PIGL: variants seen among roughly 807,000 people sequenced by gnomAD.
The protein encoded by PIGL is N-acetylglucosaminyl-phosphatidylinositol de-N-acetylase.
PIGL carries 22 observed loss-of-function variants against 31.1 expected under a neutral mutation model. That is an observed-to-expected ratio of 0.71 (90% confidence interval 0.51 to 1.01). The LOEUF is 1.01. PIGL is among the 50% of genes least tolerant of loss of function. PIGL has a pLI of 0.00. For missense variants in PIGL, 302 were observed against 315.9 expected, an observed-to-expected ratio of 0.96 and a Z score of 0.33; for synonymous variants, 131 against 117.4, an observed-to-expected ratio of 1.12 and a Z score of -0.75.
In PIGL at chr17:16,302,156, C is replaced by T. The variant is rs569306614; in HGVS notation, c.426+2178C>T. 3.9e-5 allele frequency among the ~76,000 whole-genome samples: 6 copies of T among 152,258 alleles called. No individual in the cohort carries two copies. In the South Asian group the frequency reaches 1.2e-3, roughly 32 times the overall value. On this transcript the variant is annotated intron_variant, in intron 3 of 6. Coordinates refer to ENST00000225609, the MANE Select transcript of PIGL (RefSeq NM_004278.4). ...TGAGCTGCAGATGGGCCTCAGGTAC[C>T]CTGACCCTACCACGACTCATCTCCA...
At chr17:16,229,646 G>T (rs1382524934) in intron 1 of PIGL, among the ~76,000 whole-genome samples, 1 of 151,916 alleles carries the variant, frequency 6.6e-6, no homozygotes, top group Admixed American at 6.6e-5. Flanking sequence ...GTCAGCATTT[G>T]TAATTTTCCA....
rs75860125 is a variant in PIGL at position 16,226,560 on chromosome 17, A to G, written c.236-7411A>G. On this transcript the variant is annotated intron_variant, in intron 1 of 6. Transcript: ENST00000225609. ...CTAAAGGGGAATGTAGACATTCTAC[A>G]AGTGCATATGGGACTAGAAATATTG... Among the ~76,000 whole-genome samples the G allele has an allele frequency of 7.5e-3, 1,150 of 152,338 alleles. 18 individuals carry two copies. The highest frequency in any genetic ancestry group is 0.05 in the East Asian group (258 of 5,188).
Position 16,310,286 on chromosome 17 carries a change from A to AGTGTGT in PIGL, c.427-3228_427-3223dup, listed in dbSNP as rs10522327. On this transcript the variant is annotated intron_variant, in intron 3 of 6. Coordinates refer to ENST00000225609, the MANE Select transcript of PIGL (RefSeq NM_004278.4). ...TAAAATGTCTTCTGAATTATTAAAA[A>AGTGTGT]GTGTGTGTGTGTGTGTGTGTGTGTG... 9.6e-3 allele frequency among the ~76,000 whole-genome samples: 1,398 copies of AGTGTGT among 146,346 alleles called. 16 individuals are homozygous for AGTGTGT. Among genetic ancestry groups the AGTGTGT allele is most frequent in the East Asian group, 0.025 (123 of 4,838 alleles).
At chr17:16,233,232 C>T (rs941334967) in intron 1 of PIGL, among the ~76,000 whole-genome samples, 1 of 152,102 alleles carries the variant, frequency 6.6e-6, no homozygotes, top group Non-Finnish European at 1.5e-5. Flanking sequence ...GTAACAGGTG[C>T]ATTAGCTGGA....
chr17:16,276,900 A>G (rs914590915), intron 2 of PIGL, among the ~76,000 whole-genome samples: 2 of 152,238 alleles, frequency 1.3e-5, no homozygotes, highest in Non-Finnish European at 2.9e-5. Context: ...AAAGTGCAGC[A>G]ACAATAATTA....
intron 2 of PIGL, among the ~76,000 whole-genome samples, chr17:16,257,476 C>T (rs991078048): frequency 6.6e-6 from 1 of 152,080 alleles, no homozygotes; most frequent in East Asian, 1.9e-4. Flanking sequence ...TGGTGAGCCT[C>T]TGAAGATGCC....
At chr17:16,258,103 A>AC in intron 2 of PIGL, among the ~76,000 whole-genome samples, 1 of 65,722 alleles carries the variant, frequency 1.5e-5, no homozygotes, top group South Asian at 5.2e-4. Context: ...GAGAGAGAGA[A>AC]AGAGAGAGAG....
intron 3 of PIGL, among the ~76,000 whole-genome samples, chr17:16,311,286 ATT>A (rs1314327641): frequency 1.2e-4 from 14 of 119,774 alleles, no homozygotes; most frequent in Admixed American, 7.8e-4. Context: ...TCAAATTATT[ATT>A]TGTTTTTTCT....
At chr17:16,242,198 T>G (rs9889720) in intron 2 of PIGL, among the ~76,000 whole-genome samples, 4,797 of 152,090 alleles carry the variant, frequency 0.032, 123 homozygotes, top group African/African-American at 0.059. Flanking sequence ...GGACTACAGG[T>G]GTGCACCACC....
chr17:16,257,706 T>A (rs1230522325), intron 2 of PIGL, among the ~76,000 whole-genome samples: 1 of 152,020 alleles, frequency 6.6e-6, no homozygotes, highest in Non-Finnish European at 1.5e-5. Context: ...TACCTTTTGT[T>A]GTTGTTTTTA....
intron 6 of PIGL, among the ~76,000 whole-genome samples, chr17:16,324,682 A>G (rs1242078590): frequency 6.6e-6 from 1 of 152,196 alleles, no homozygotes; most frequent in African/African-American, 2.4e-5. Context: ...CTGACAATGA[A>G]TATAAAAGGG....
intron 2 of PIGL, among the ~76,000 whole-genome samples, chr17:16,286,661 C>T (rs2092939206): frequency 6.6e-6 from 1 of 152,124 alleles, no homozygotes; most frequent in South Asian, 2.1e-4. Context: ...ACTGTGTTTG[C>T]TAAATACACC....
chr17:16,301,922 A>G (rs940516839), intron 3 of PIGL, among the ~76,000 whole-genome samples: 9 of 151,444 alleles, frequency 5.9e-5, no homozygotes, highest in African/African-American at 2.2e-4. Flanking sequence ...GCTGGTCACC[A>G]TCTCCTGGGC....
intron 2 of PIGL, among the ~76,000 whole-genome samples, chr17:16,295,893 A>G (rs1461219483): frequency 6.6e-6 from 1 of 152,192 alleles, no homozygotes; most frequent in African/African-American, 2.4e-5. Flanking sequence ...GTGAGCTAGG[A>G]TGGTGCCATT....
intron 2 of PIGL, among the ~76,000 whole-genome samples, chr17:16,276,789 GT>G (rs1445301967): frequency 6.6e-6 from 1 of 152,192 alleles, no homozygotes; most frequent in African/African-American, 2.4e-5. Flanking sequence ...GCGTACCATA[GT>G]TTTTGAAACA....
chr17:16,320,219 AAGGAAG>A (rs2093097560), intron 6 of PIGL, among the ~76,000 whole-genome samples: 1 of 88,652 alleles, frequency 1.1e-5, no homozygotes, highest in Non-Finnish European at 2.1e-5. Context: ...GGAAGGAAGG[AAGGAAG>A]GAAGGAAGGA....
At position 16,316,729 on chromosome 17, in the gene PIGL, T is replaced by C. The variant is rs975201793; in HGVS notation, c.526+17T>C. On this transcript the variant is annotated intron_variant, in intron 5 of 6. Coordinates refer to ENST00000225609, the MANE Select transcript of PIGL (RefSeq NM_004278.4). The stretch of plus-strand genomic sequence containing the variant: ...TACCTAAAGGTAAGGCTTGTTCCTT[T>C]TGCAAAGGGCCACAAGATACTGTCC... 2.5e-6 allele frequency: 4 copies of C among 1,609,836 alleles called. No homozygotes were observed. The African/African-American group carries it at 5.3e-5, about 22-fold the overall frequency.
chr17:16,232,768 TAA>T (rs34414046), intron 1 of PIGL, among the ~76,000 whole-genome samples: 1 of 144,318 alleles, frequency 6.9e-6, no homozygotes, highest in Admixed American at 6.9e-5. Flanking sequence ...GTTTATGACT[TAA>T]AAAAAAAAAA....
chr17:16,316,806 C>T (rs896170212), intron 5 of PIGL, 94 bp downstream of exon 5: 1 of 1,573,260 alleles, frequency 6.4e-7, no homozygotes, highest in African/African-American at 1.3e-5. Flanking sequence ...GAGCTGCCCT[C>T]AGCCGAGCAG....
Sources: allele counts gnomAD v4.1 joint callset (sites outside exome capture counted in the v4.1 genomes callset), GRCh38; gene constraint gnomAD v4.1.1; transcripts MANE v1.5; gene names NCBI Gene and HGNC (gene_info 2026-07-23, HGNC 2026-07-21).